Variants in ASIC2 observed in about 807,000 individuals in gnomAD.
The protein encoded by ASIC2 is acid-sensing ion channel 2.
A neutral mutation model predicts 57.3 loss-of-function variants in ASIC2; 25 were observed. The ratio of observed to expected loss-of-function variants is 0.44; its 90% CI spans 0.32 to 0.61. The LOEUF is 0.61. ASIC2 is among the 20% of genes least tolerant of loss of function. The probability of loss-of-function intolerance (pLI) is 0.06; values close to 1 mark genes in which losing one functional copy is unlikely to be tolerated. For missense variants in ASIC2, 641 were observed against 738.1 expected (o/e 0.87, Z 1.52); for synonymous variants, 319 against 307.5 (o/e 1.04, Z -0.39).
intron 1 of ASIC2, among the ~76,000 whole-genome samples, chr17:33,226,656 G>T (rs1387113887): frequency 6.6e-6 from 1 of 152,142 alleles, no homozygotes; most frequent in African/African-American, 2.4e-5. Flanking sequence ...TCCAGCTCTT[G>T]TAATGGTGTC....
chr17:33,929,249 C>T (rs761145462), intron 1 of ASIC2, among the ~76,000 whole-genome samples: 1 of 152,166 alleles, frequency 6.6e-6, no homozygotes, highest in Non-Finnish European at 1.5e-5. Context: ...TTGCCTTGCC[C>T]TGCCCTCCCA....
chr17:34,043,604 G>A (rs1333479090), intron 1 of ASIC2, among the ~76,000 whole-genome samples: 1 of 152,194 alleles, frequency 6.6e-6, no homozygotes, highest in Non-Finnish European at 1.5e-5. Context: ...TAAGAACTCT[G>A]TTAATCCATG....
At chr17:33,634,715 T>C (rs1906296730) in intron 1 of ASIC2, 2 of 149,468 alleles carry the variant, frequency 1.3e-5, no homozygotes, top group Non-Finnish European at 3.0e-5. Context: ...TCTTTCTTTT[T>C]TTTTTTTTTT....
Position 34,156,281 on chromosome 17 carries a change from C to G in ASIC2, c.252G>C (p.Leu84=), listed in dbSNP as rs751816163. The G allele has an allele frequency of 6.2e-7, 1 of 1,614,176 alleles. No individual in the cohort carries two copies. The highest frequency in any genetic ancestry group is 1.3e-5 in the African/African-American group (1 of 75,042). ...TACAGAGGGTCACAGCTGGGAAGAC[C>G]AGGCTTTGAGCCACCACTTCGTCCA... Residue 84 remains leucine, a synonymous_variant, in exon 1 of 10, where the codon CTG becomes CTC. Transcript: ENST00000359872. The surrounding 1 kb of genome is among the most constrained non-coding windows in gnomAD (Gnocchi z 4.4).
chr17:33,402,648 T>C (rs991514616), intron 1 of ASIC2, among the ~76,000 whole-genome samples: 21 of 152,234 alleles, frequency 1.4e-4, no homozygotes, highest in African/African-American at 5.1e-4. Flanking sequence ...TGGTATTCCA[T>C]GGTGTATATG....
intron 1 of ASIC2, among the ~76,000 whole-genome samples, chr17:33,604,418 G>A (rs1006316327): frequency 1.3e-5 from 2 of 152,138 alleles, no homozygotes; most frequent in African/African-American, 2.4e-5. Context: ...CTTTGCCCAC[G>A]TTTAGGTGCT....
chr17:33,756,633 G>T (rs1238943385), intron 1 of ASIC2, among the ~76,000 whole-genome samples: 1 of 152,252 alleles, frequency 6.6e-6, no homozygotes, highest in African/African-American at 2.4e-5. Flanking sequence ...CCTGGGCTGG[G>T]AAGGGCACTT....
intron 1 of ASIC2, among the ~76,000 whole-genome samples, chr17:33,756,643 T>A (rs1193689437): frequency 6.6e-6 from 1 of 152,232 alleles, no homozygotes; most frequent in Non-Finnish European, 1.5e-5. Context: ...GAAGGGCACT[T>A]CCTGCCCCTG....
intron 1 of ASIC2, among the ~76,000 whole-genome samples, chr17:33,800,012 G>T (rs1912085956): frequency 1.3e-5 from 2 of 152,146 alleles, no homozygotes; most frequent in African/African-American, 4.8e-5. Flanking sequence ...CCATGCAAAT[G>T]TCCTGGACTC....
intron 1 of ASIC2, among the ~76,000 whole-genome samples, chr17:33,908,625 G>A (rs1915398077): frequency 1.3e-5 from 2 of 152,248 alleles, no homozygotes; most frequent in East Asian, 1.9e-4. Flanking sequence ...ACAGTTTCTG[G>A]CTTAATGAAG....
intron 3 of ASIC2, among the ~76,000 whole-genome samples, chr17:33,039,258 C>T (rs1000383314): frequency 6.6e-6 from 1 of 152,194 alleles, no homozygotes; most frequent in African/African-American, 2.4e-5. Context: ...CATTTGCTCA[C>T]ATGGACCAAA....
rs796480255 is a variant in ASIC2 at position 33,298,756 on chromosome 17, C to T, written c.556-186689G>A. On this transcript the variant is annotated intron_variant, in intron 1 of 9. Coordinates refer to the ASIC2 transcript ENST00000359872. Reference sequence around the variant, plus strand: ...CTATTTCTCCACATCCTCTCCAGCACCTGTTGTTTCCTGAGTTTCTAATGA... The same window carrying T: ...CTATTTCTCCACATCCTCTCCAGCATCTGTTGTTTCCTGAGTTTCTAATGA... Among the ~76,000 whole-genome samples the T allele has an allele frequency of 4.6e-5, 7 of 152,292 alleles. No individual in the cohort carries two copies. In the East Asian group the frequency reaches 1.4e-3, roughly 29 times the overall value.
upstream of ASIC2, among the ~76,000 whole-genome samples, chr17:33,293,310 G>T (rs2142185523): frequency 6.6e-6 from 1 of 152,194 alleles, no homozygotes; most frequent in South Asian, 2.1e-4. Context: ...GGGCGGGGCG[G>T]CGGCGGCCGT....
chr17:33,532,932 T>C (rs1489952651), intron 1 of ASIC2, among the ~76,000 whole-genome samples: 2 of 152,202 alleles, frequency 1.3e-5, no homozygotes, highest in African/African-American at 4.8e-5. Context: ...ACATCCTTAT[T>C]AGTAGTGACA....
chr17:33,626,598 C>T (rs1167651590), intron 1 of ASIC2, among the ~76,000 whole-genome samples: 2 of 152,210 alleles, frequency 1.3e-5, no homozygotes, highest in Admixed American at 6.5e-5. Flanking sequence ...CCATTGATAA[C>T]GGTGTCAGGG....
At chr17:33,560,462 G>A (rs987015972) in intron 1 of ASIC2, among the ~76,000 whole-genome samples, 3 of 152,184 alleles carry the variant, frequency 2.0e-5, no homozygotes, top group Non-Finnish European at 4.4e-5. Context: ...AGGAAAATTG[G>A]CATTTATGAT....
chr17:33,904,069 A>G (rs1359320889), intron 1 of ASIC2, among the ~76,000 whole-genome samples: 1 of 143,588 alleles, frequency 7.0e-6, no homozygotes, highest in Non-Finnish European at 1.5e-5. Context: ...AGGCTGAGGC[A>G]GGAGAATTGC....
At chr17:34,017,551 G>C (rs4577134) in intron 1 of ASIC2, among the ~76,000 whole-genome samples, 70,287 of 152,078 alleles carry the variant, frequency 0.46, 16,985 homozygotes, top group Middle Eastern at 0.58. Flanking sequence ...AAGGCCAAAA[G>C]CTAGTCCTCT....
chr17:33,818,436 A>G (rs1020212275), intron 1 of ASIC2, among the ~76,000 whole-genome samples: 3 of 152,216 alleles, frequency 2.0e-5, no homozygotes, highest in African/African-American at 7.2e-5. Context: ...ATGGTTCAGA[A>G]GCCAGCTCAG....
Sources: allele counts gnomAD v4.1 joint callset (sites outside exome capture counted in the v4.1 genomes callset), GRCh38; gene constraint gnomAD v4.1.1; non-coding constraint Gnocchi (gnomAD v3.1); transcripts MANE v1.5; gene names NCBI Gene and HGNC (gene_info 2026-07-23, HGNC 2026-07-21).